The following EEFSEC variants were observed in gnomAD, a reference collection of about 807,000 sequenced individuals.
EEFSEC encodes eukaryotic elongation factor, selenocysteine-tRNA specific, also known as selenocysteine-specific elongation factor.
Under a neutral mutation model 42.1 loss-of-function variants are expected in EEFSEC, and 43 were observed. The ratio of observed to expected loss-of-function variants is 1.02; its 90% CI spans 0.80 to 1.32. EEFSEC has a LOEUF of 1.32. EEFSEC is among the 40% of genes most tolerant of loss of function. The pLI is 0.00. For synonymous variants in EEFSEC, 354 were observed against 339.1 expected, an observed-to-expected ratio of 1.04 and a Z score of -0.48; for missense variants, 745 against 803.6, an observed-to-expected ratio of 0.93 and a Z score of 0.88.
intron 1 of EEFSEC, among the ~76,000 whole-genome samples, chr3:128,243,447 A>C (rs1319352812): frequency 2.0e-5 from 3 of 152,258 alleles, no homozygotes; most frequent in African/African-American, 7.2e-5. Context: ...GTGTATACCA[A>C]TAGGAAATCG....
Position 128,317,943 on chromosome 3 carries a change from C to T in EEFSEC, c.787-23290C>T, listed in dbSNP as rs13095166. Among the ~76,000 whole-genome samples, 20,568 of 152,288 alleles carry T rather than the reference C, an allele frequency of 0.14. 1,685 individuals are homozygous for T. Among genetic ancestry groups the T allele is most frequent in the South Asian group, 0.25 (1,221 of 4,826 alleles). On this transcript the variant is annotated intron_variant, in intron 4 of 6. Coordinates refer to ENST00000254730, the MANE Select transcript of EEFSEC (RefSeq NM_021937.5). This position sits in a 1 kb window ranked among gnomAD's most constrained non-coding sequence, Gnocchi z 4.1. ...ACCCTCCTTGCCACACTGGGGCAGC[C>T]CTTGCCATGTGGGCCATGGGAACTG...
chr3:128,162,055 G>C (rs2065194977), intron 1 of EEFSEC, among the ~76,000 whole-genome samples: 1 of 152,184 alleles, frequency 6.6e-6, no homozygotes, highest in Admixed American at 6.5e-5. Context: ...AATATATTAT[G>C]TGAAATTGTG....
At chr3:128,185,113 G>A (rs1402839746) in intron 1 of EEFSEC, among the ~76,000 whole-genome samples, 1 of 148,388 alleles carries the variant, frequency 6.7e-6, no homozygotes, top group African/African-American at 2.4e-5. Flanking sequence ...ACTGAAAGCA[G>A]TTTTTTGGAG....
At chr3:128,182,886 G>GA (rs1057435400) in intron 1 of EEFSEC, among the ~76,000 whole-genome samples, 2 of 149,598 alleles carry the variant, frequency 1.3e-5, no homozygotes, top group East Asian at 2.1e-4. Context: ...ATCGGGGCGG[G>GA]GGGGTGGGGT....
chr3:128,273,978 G>A (rs2066441090), intron 4 of EEFSEC, among the ~76,000 whole-genome samples: 1 of 152,162 alleles, frequency 6.6e-6, no homozygotes, highest in Non-Finnish European at 1.5e-5. Flanking sequence ...ACCCTTTGAT[G>A]GGGCTCTAGT....
At chr3:128,291,441 C>A (rs958400350) in intron 4 of EEFSEC, among the ~76,000 whole-genome samples, 1 of 152,116 alleles carries the variant, frequency 6.6e-6, no homozygotes, top group African/African-American at 2.4e-5. Context: ...TTTTCTTTGC[C>A]CTTATGCCAC....
intron 4 of EEFSEC, among the ~76,000 whole-genome samples, chr3:128,291,819 G>A (rs1212960551): frequency 6.6e-6 from 1 of 152,098 alleles, no homozygotes; most frequent in Non-Finnish European, 1.5e-5. Context: ...ACAGTACAAT[G>A]TTCAACATAA....
chr3:128,389,733 G>C (rs1216840800), intron 6 of EEFSEC, among the ~76,000 whole-genome samples: 2 of 152,264 alleles, frequency 1.3e-5, no homozygotes, highest in East Asian at 3.8e-4. Context: ...CCTTGGGAAA[G>C]GGAGGCCTTG....
At chr3:128,325,202 G>T (rs1198825203) in intron 4 of EEFSEC, among the ~76,000 whole-genome samples, 1 of 152,198 alleles carries the variant, frequency 6.6e-6, no homozygotes, top group Non-Finnish European at 1.5e-5. Context: ...TCCTGGGGAA[G>T]GGGGAAGGGG....
intron 6 of EEFSEC, among the ~76,000 whole-genome samples, chr3:128,375,572 A>G (rs1317878449): frequency 6.6e-6 from 1 of 152,136 alleles, no homozygotes; most frequent in African/African-American, 2.4e-5. Context: ...AGCAGCCCAT[A>G]GCAGCTTTCC....
intron 4 of EEFSEC, among the ~76,000 whole-genome samples, chr3:128,334,327 C>T (rs2067166608): frequency 6.6e-6 from 1 of 152,248 alleles, no homozygotes; most frequent in African/African-American, 2.4e-5. Flanking sequence ...TCTTTTTGGG[C>T]TCAGGCTGTG....
In EEFSEC at chr3:128,191,712, C is replaced by T. The variant is rs1022098182; in HGVS notation, c.316+37889C>T. On this transcript the variant is annotated intron_variant, in intron 1 of 6. Coordinates refer to ENST00000254730, the MANE Select transcript of EEFSEC (RefSeq NM_021937.5). The stretch of plus-strand genomic sequence containing the variant: ...GGGAACTCATATAAGCAGAATCATA[C>T]AGGCTTGGTGGCTGGTTTATTTCAT... Among the ~76,000 whole-genome samples the T allele has an allele frequency of 2.6e-5, 4 of 152,210 alleles. No homozygotes were observed. In the South Asian group the frequency reaches 8.3e-4, roughly 32 times the overall value.
intron 1 of EEFSEC, among the ~76,000 whole-genome samples, chr3:128,233,205 G>A (rs1038419366): frequency 6.6e-6 from 1 of 152,208 alleles, no homozygotes; most frequent in Non-Finnish European, 1.5e-5. Context: ...AGCAGGCCAT[G>A]TTATCCAGTT....
intron 2 of EEFSEC, among the ~76,000 whole-genome samples, chr3:128,256,928 A>T (rs908609401): frequency 6.6e-6 from 1 of 152,128 alleles, no homozygotes; most frequent in African/African-American, 2.4e-5. Context: ...CACTTGTTTT[A>T]TAGATGGGTT....
the EEFSEC span, among the ~76,000 whole-genome samples, chr3:128,415,335 A>G: frequency 2.4e-3 from 372 of 152,174 alleles, 9 homozygotes; most frequent in Admixed American, 0.021. Context: ...TGAGATGCCC[A>G]TGGGCCATGG....
intron 1 of EEFSEC, among the ~76,000 whole-genome samples, chr3:128,189,752 G>A (rs1048444713): frequency 2.0e-5 from 3 of 151,314 alleles, no homozygotes; most frequent in African/African-American, 7.3e-5. Flanking sequence ...AGAGACGGGG[G>A]TCTCACCATG....
intron 1 of EEFSEC, among the ~76,000 whole-genome samples, chr3:128,171,590 T>G (rs573435757): frequency 6.6e-6 from 1 of 152,268 alleles, no homozygotes; most frequent in Admixed American, 6.5e-5. Flanking sequence ...CTATACTCAG[T>G]TTTGTTTTTC....
the EEFSEC span, among the ~76,000 whole-genome samples, chr3:128,426,131 G>A: frequency 9.2e-5 from 14 of 152,222 alleles, no homozygotes; most frequent in Non-Finnish European, 1.6e-4. Flanking sequence ...CAGAGAGGTT[G>A]TCACCTGTCT....
intron 1 of EEFSEC, among the ~76,000 whole-genome samples, chr3:128,187,768 C>T (rs1176452315): frequency 4.6e-5 from 7 of 152,226 alleles, no homozygotes; most frequent in Non-Finnish European, 8.8e-5. Context: ...TTCAGAGGTG[C>T]GAGTCAGGGA....
Sources: gnomAD v4.1 joint callset for allele counts (sites outside exome capture counted in the v4.1 genomes callset) on GRCh38, gnomAD v4.1.1 for gene constraint, Gnocchi (gnomAD v3.1) non-coding constraint, MANE v1.5 for transcripts, NCBI Gene and HGNC (gene_info 2026-07-23, HGNC 2026-07-21) for gene names.